The following SMAP1 variants were observed in gnomAD, a reference collection of about 807,000 sequenced individuals.
SMAP1 encodes the protein stromal membrane-associated protein 1.
SMAP1 carries 24 observed loss-of-function variants against 58.5 expected under a neutral mutation model. That is an observed-to-expected ratio of 0.41 (90% CI 0.30 to 0.58). The LOEUF is 0.58. SMAP1 is among the 20% of genes least tolerant of loss of function. The probability of loss-of-function intolerance (pLI) is 0.29; values close to 1 mark genes in which losing one functional copy is unlikely to be tolerated. For missense variants in SMAP1, 563 were observed against 566.3 expected (o/e 0.99, Z 0.06); for synonymous variants, 216 against 196.6 (o/e 1.10, Z -0.82).
intron 1 of SMAP1, among the ~76,000 whole-genome samples, chr6:70,673,946 CATTA>C (rs1257498029): frequency 2.0e-5 from 3 of 152,148 alleles, no homozygotes; most frequent in East Asian, 3.9e-4. Context: ...TACTTGACTT[CATTA>C]ATTAAGGAGG....
chr6:70,826,434 T>C (rs1246826376), intron 6 of SMAP1, among the ~76,000 whole-genome samples: 2 of 152,116 alleles, frequency 1.3e-5, no homozygotes, highest in African/African-American at 2.4e-5. Flanking sequence ...TCCATAGTCT[T>C]ACCAGCACTC....
intron 1 of SMAP1, among the ~76,000 whole-genome samples, chr6:70,709,567 C>G (rs930007729): frequency 6.6e-6 from 1 of 152,086 alleles, no homozygotes; most frequent in Non-Finnish European, 1.5e-5. Flanking sequence ...AGTAATCCTC[C>G]TAGCTCAGTT....
In SMAP1 at chr6:70,668,000, C is replaced by T. The variant is rs779762859; in HGVS notation, c.-24C>T. ...GCGTCCGCCGCCGCCGTAGCTGCCC[C>T]AGGCTCCCCGCCCCGCTGCCGAGAT... is the stretch of plus-strand genomic sequence containing the variant. On this transcript the variant is annotated 5_prime_UTR_variant, in exon 1 of 11. Transcript: ENST00000370455. 3 of 1,566,696 alleles carry T rather than the reference C, an allele frequency of 1.9e-6. No homozygotes were observed. Among genetic ancestry groups the T allele is most frequent in the Admixed American group, 3.7e-5 (2 of 53,792 alleles).
At chr6:70,735,552 C>T (rs576679548) in intron 2 of SMAP1, among the ~76,000 whole-genome samples, 2 of 152,282 alleles carry the variant, frequency 1.3e-5, no homozygotes, top group South Asian at 4.1e-4. Flanking sequence ...CCAAAGTGGG[C>T]AGATCCGAGA....
chr6:70,857,139 TTTG>T (rs1771460809), intron 9 of SMAP1, 109 bp downstream of exon 9: 2 of 1,133,922 alleles, frequency 1.8e-6, no homozygotes, highest in South Asian at 2.6e-5. Flanking sequence ...AGTGAGTGCT[TTTG>T]TTGTTGCAGT....
intron 6 of SMAP1, among the ~76,000 whole-genome samples, chr6:70,823,229 G>T (rs1018399449): frequency 6.6e-6 from 1 of 152,116 alleles, no homozygotes; most frequent in Non-Finnish European, 1.5e-5. Flanking sequence ...TGGGTGAAAG[G>T]AACTCAGATA....
At chr6:70,756,936 A>C (rs1206313061) in intron 3 of SMAP1, among the ~76,000 whole-genome samples, 1 of 152,080 alleles carries the variant, frequency 6.6e-6, no homozygotes, top group Non-Finnish European at 1.5e-5. Flanking sequence ...GAAAATGGCC[A>C]TACTGCCCAA....
intron 1 of SMAP1, among the ~76,000 whole-genome samples, chr6:70,681,666 ATG>A (rs1483110287): frequency 1.3e-5 from 2 of 152,126 alleles, no homozygotes; most frequent in Non-Finnish European, 2.9e-5. Flanking sequence ...TGCCTTTTGT[ATG>A]TGTGTGTGTT....
At chr6:70,846,808 C>T (rs1433606678) in intron 7 of SMAP1, among the ~76,000 whole-genome samples, 1 of 152,098 alleles carries the variant, frequency 6.6e-6, no homozygotes, top group Non-Finnish European at 1.5e-5. Flanking sequence ...CTGTTTCTGC[C>T]TGAGAACACC....
chr6:70,855,327 T>C (rs776130186), intron 8 of SMAP1, among the ~76,000 whole-genome samples: 1 of 152,158 alleles, frequency 6.6e-6, no homozygotes, highest in Non-Finnish European at 1.5e-5. Flanking sequence ...CTAGTCCTGC[T>C]GATTGGTTTG....
chr6:70,702,003 G>A (rs1325118510), intron 1 of SMAP1, among the ~76,000 whole-genome samples: 2 of 152,208 alleles, frequency 1.3e-5, no homozygotes, highest in Middle Eastern at 3.4e-3. Context: ...AAAGTTCTAC[G>A]TTGACAGTAT....
chr6:70,714,253 AT>A (rs1768173644), intron 1 of SMAP1, among the ~76,000 whole-genome samples: 1 of 151,958 alleles, frequency 6.6e-6, no homozygotes. Flanking sequence ...ACAAGGAAAG[AT>A]TTACCGTTGC....
At chr6:70,766,036 A>G (rs975850069) in intron 3 of SMAP1, among the ~76,000 whole-genome samples, 24 of 151,874 alleles carry the variant, frequency 1.6e-4, no homozygotes, top group African/African-American at 5.6e-4. Context: ...GAGAATGATG[A>G]TTTCCAATTT....
chr6:70,808,211 A>G (rs1000644778), intron 6 of SMAP1, among the ~76,000 whole-genome samples: 1 of 152,148 alleles, frequency 6.6e-6, no homozygotes, highest in African/African-American at 2.4e-5. Context: ...GTTCAAACCC[A>G]TGTCGTTCAA....
At chr6:70,783,577 C>T (rs536365229) in intron 4 of SMAP1, among the ~76,000 whole-genome samples, 1 of 152,172 alleles carries the variant, frequency 6.6e-6, no homozygotes, top group Admixed American at 6.5e-5. Context: ...GAATGTATAA[C>T]TAGAATAACC....
At chr6:70,843,591 C>A (rs1582296480) in intron 7 of SMAP1, among the ~76,000 whole-genome samples, 1 of 152,168 alleles carries the variant, frequency 6.6e-6, no homozygotes, top group East Asian at 1.9e-4. Context: ...ATTCTTAACA[C>A]TATGTTGAGC....
chr6:70,741,487 T>C (rs558788825), intron 2 of SMAP1, among the ~76,000 whole-genome samples: 1 of 152,350 alleles, frequency 6.6e-6, no homozygotes, highest in East Asian at 1.9e-4. Flanking sequence ...GGTGGGTTCC[T>C]ATGGCCTTGG....
chr6:70,701,165 C>G (rs1767611676), intron 1 of SMAP1, among the ~76,000 whole-genome samples: 1 of 152,200 alleles, frequency 6.6e-6, no homozygotes, highest in East Asian at 1.9e-4. Context: ...ACTGCTACCT[C>G]CACCTCCTAG....
intron 6 of SMAP1, among the ~76,000 whole-genome samples, chr6:70,809,804 T>G (rs1769308174): frequency 6.6e-6 from 1 of 152,244 alleles, no homozygotes; most frequent in Non-Finnish European, 1.5e-5. Context: ...CTCAAATCTT[T>G]ACATTTCTAG....
Sources: gnomAD v4.1 joint callset for allele counts (sites outside exome capture counted in the v4.1 genomes callset) on GRCh38, gnomAD v4.1.1 for gene constraint, MANE v1.5 for transcripts, NCBI Gene and HGNC (gene_info 2026-07-23, HGNC 2026-07-21) for gene names.